SPAG16: variants seen among roughly 807,000 people sequenced by gnomAD.
The protein encoded by SPAG16 is sperm-associated antigen 16 protein.
In SPAG16, 86 loss-of-function variants were observed where a neutral mutation model predicts 80.4. The observed-to-expected ratio is 1.07, with a 90% confidence interval of 0.90 to 1.28. SPAG16 has a LOEUF of 1.28. Among genes scored for constraint, SPAG16 ranks in the 50% most tolerant of loss-of-function variants. The probability of loss-of-function intolerance (pLI) is 0.00; values close to 1 mark genes in which losing one functional copy is unlikely to be tolerated. For missense variants in SPAG16, 870 were observed against 765.3 expected (o/e 1.14, Z -1.61); for synonymous variants, 294 against 265.9 (o/e 1.11, Z -1.03).
At chr2:213,400,749 T>C (rs191081036) in intron 9 of SPAG16, among the ~76,000 whole-genome samples, 59 of 152,256 alleles carry the variant, frequency 3.9e-4, no homozygotes, top group Non-Finnish European at 8.1e-4. Context: ...TTCAGAAATA[T>C]TTACTCCCTC....
At chr2:213,387,702 C>T (rs1411639207) in intron 9 of SPAG16, among the ~76,000 whole-genome samples, 1 of 151,638 alleles carries the variant, frequency 6.6e-6, no homozygotes. Context: ...GATCCGCCCG[C>T]CTCGGCCTCC....
chr2:213,986,738 C>T (rs2046023493), intron 12 of SPAG16, among the ~76,000 whole-genome samples: 1 of 151,460 alleles, frequency 6.6e-6, no homozygotes, highest in South Asian at 2.1e-4. Context: ...TTAAACTATG[C>T]CTTATTACTA....
At chr2:213,554,816 A>T (rs6761365) in intron 10 of SPAG16, among the ~76,000 whole-genome samples, 66,756 of 151,694 alleles carry the variant, frequency 0.44, 15,715 homozygotes, top group African/African-American at 0.59. Flanking sequence ...AAAAAAAGAA[A>T]AAAAATTAAT....
intron 4 of SPAG16, among the ~76,000 whole-genome samples, chr2:213,311,110 AATTCT>A (rs1274258057): frequency 6.6e-6 from 1 of 151,736 alleles, no homozygotes; most frequent in Admixed American, 6.6e-5. Context: ...AATGTTAATA[AATTCT>A]ATGAGGAGAA....
intron 12 of SPAG16, among the ~76,000 whole-genome samples, chr2:213,961,719 T>C (rs2044437481): frequency 6.6e-6 from 1 of 152,108 alleles, no homozygotes; most frequent in Non-Finnish European, 1.5e-5. Context: ...CTTGCATTTC[T>C]AGTGAAAATC....
At chr2:213,566,483 C>G (rs1352527927) in intron 10 of SPAG16, among the ~76,000 whole-genome samples, 1 of 152,038 alleles carries the variant, frequency 6.6e-6, no homozygotes, top group African/African-American at 2.4e-5. Context: ...GAAAAAGGAT[C>G]TTTTAATTAC....
chr2:213,814,246 T>C (rs1408869851), intron 10 of SPAG16, among the ~76,000 whole-genome samples: 1 of 152,226 alleles, frequency 6.6e-6, no homozygotes, highest in East Asian at 1.9e-4. Context: ...GAATTGCTGC[T>C]GCTTTGGGAA....
chr2:213,836,855 C>G (rs72939297), intron 10 of SPAG16, among the ~76,000 whole-genome samples: 38,011 of 152,092 alleles, frequency 0.25, 5,322 homozygotes, highest in South Asian at 0.4. Context: ...CTCAGGTGAT[C>G]CCCCGGTCTC....
chr2:214,149,319 GTTC>G, intron 15 of SPAG16, 53 bp downstream of exon 15: 2 of 1,380,280 alleles, frequency 1.4e-6, no homozygotes, highest in Non-Finnish European at 1.9e-6. Context: ...ATTAATATTT[GTTC>G]TGAAACTATT....
intron 9 of SPAG16, chr2:213,422,469 G>C (rs1425416369): frequency 3.5e-6 from 2 of 571,522 alleles, no homozygotes; most frequent in Non-Finnish European, 6.3e-6. Flanking sequence ...CTCCTGGCTT[G>C]CCTTTGGCTG....
At chr2:213,421,320 A>G (rs936010107) in intron 9 of SPAG16, among the ~76,000 whole-genome samples, 2 of 152,188 alleles carry the variant, frequency 1.3e-5, no homozygotes, top group African/African-American at 4.8e-5. Context: ...GTGCCGACTC[A>G]CCAGTCCCCC....
rs539801371 is a variant in SPAG16 at position 213,674,631 on chromosome 2, A to G, written c.1070+184541A>G. ...TTCCCACCTATGAGTGAGAATATGCAGTGTTTGGTTTTTTGTCCTTGCGAT... is the reference window on the plus strand; with the variant it reads ...TTCCCACCTATGAGTGAGAATATGCGGTGTTTGGTTTTTTGTCCTTGCGAT... On this transcript the variant is annotated intron_variant, in intron 10 of 15. Transcript: ENST00000331683. Among the ~76,000 whole-genome samples, 147 of 146,066 alleles carry G rather than the reference A, an allele frequency of 1.0e-3. 11 individuals carry two copies. Among genetic ancestry groups the G allele is most frequent in the African/African-American group, 3.0e-3 (109 of 36,080 alleles).
At chr2:213,385,098 C>G (rs917009158) in intron 9 of SPAG16, among the ~76,000 whole-genome samples, 2 of 152,176 alleles carry the variant, frequency 1.3e-5, no homozygotes, top group Admixed American at 6.5e-5. Context: ...TGCTGCTCCT[C>G]TCACCTTACT....
chr2:214,171,999 AAAATCT>A lies in SPAG16; in HGVS notation c.1720+22735_1720+22740del, dbSNP rs1425066574. 5.3e-5 allele frequency among the ~76,000 whole-genome samples: 8 copies of A among 152,080 alleles called. No individual in the cohort carries two copies. The South Asian group carries it at 8.3e-4, about 16-fold the overall frequency. Reference sequence around the variant, plus strand: ...TTACTTTTCTGAGACAAGATCAGCTAAAATCTACTTATTTAACAAAAATATCTAACA... The same window carrying A: ...TTACTTTTCTGAGACAAGATCAGCTAACTTATTTAACAAAAATATCTAACA... On this transcript the variant is annotated intron_variant, in intron 15 of 15. Coordinates refer to ENST00000331683, the MANE Select transcript of SPAG16 (RefSeq NM_024532.5).
intron 15 of SPAG16, among the ~76,000 whole-genome samples, chr2:214,193,838 A>G (rs2057747795): frequency 6.6e-6 from 1 of 152,108 alleles, no homozygotes; most frequent in Non-Finnish European, 1.5e-5. Flanking sequence ...TCTCTACTGC[A>G]AAAACAAAAC....
chr2:213,425,689 G>A (rs986488019), intron 9 of SPAG16, among the ~76,000 whole-genome samples: 1 of 150,036 alleles, frequency 6.7e-6, no homozygotes, highest in Non-Finnish European at 1.5e-5. Context: ...AATTGTTGCA[G>A]GAAAAGTCGT....
At chr2:213,888,049 T>G (rs556133018) in intron 11 of SPAG16, among the ~76,000 whole-genome samples, 2 of 152,040 alleles carry the variant, frequency 1.3e-5, no homozygotes, top group South Asian at 4.1e-4. Flanking sequence ...TAGTTTGTAT[T>G]TCTTTCAGAA....
chr2:214,029,310 T>C (rs1316632562), intron 13 of SPAG16, among the ~76,000 whole-genome samples: 1 of 151,678 alleles, frequency 6.6e-6, no homozygotes, highest in Admixed American at 6.6e-5. Flanking sequence ...GGTTGGAAAA[T>C]ATAAAATGAG....
At position 213,377,901 on chromosome 2, in the gene SPAG16, ATATTT is replaced by A. The variant is rs1216788942; in HGVS notation, c.942+2784_942+2788del. Among the ~76,000 whole-genome samples the A allele has an allele frequency of 5.4e-3, 134 of 24,846 alleles. No individual in the cohort carries two copies. The South Asian group carries it at 0.069, about 13-fold the overall frequency. 16.3% of individuals were successfully genotyped at this position (24,846 alleles called of 152,430 possible). ...GATGTGTATATATATATATATATAT[ATATTT>A]TTTTTTTTTTTTCTTTAGAAGGATA... is the stretch of plus-strand genomic sequence containing the variant. On this transcript the variant is annotated intron_variant, in intron 9 of 15. Transcript: ENST00000331683.
Sources: allele counts gnomAD v4.1 joint callset (sites outside exome capture counted in the v4.1 genomes callset), GRCh38; gene constraint gnomAD v4.1.1; transcripts MANE v1.5; gene names NCBI Gene and HGNC (gene_info 2026-07-23, HGNC 2026-07-21).